Variants in S100PBP observed in about 807,000 individuals in gnomAD.
S100PBP encodes the protein S100P-binding protein.
In S100PBP, 15 loss-of-function variants were observed where a neutral mutation model predicts 39.9. That is an observed-to-expected ratio of 0.38 (90% CI 0.25 to 0.58). S100PBP has a LOEUF of 0.58. Among genes scored for constraint, S100PBP ranks in the 20% least tolerant of loss-of-function variants. The pLI is 0.70. For missense variants in S100PBP, 504 were observed against 487.3 expected (o/e 1.03, Z -0.32); for synonymous variants, 178 against 180.3 (o/e 0.99, Z 0.10).
rs767258288 is a variant in S100PBP, at chr1:32,828,078, C to G, written c.917C>G (p.Thr306Ser). Residue 306 changes from threonine to serine, a missense_variant, in exon 4 of 7, where the codon ACC becomes AGC. Thr to Ser is a moderately conservative substitution (Grantham distance 58). Coordinates refer to ENST00000373475, the MANE Select transcript of S100PBP (RefSeq NM_022753.4). ...GKVIPVLQTK[T>S]RTNVPTFSQS... ...GTCATTCCTGTTCTACAAACTAAGA[C>G]CAGGTAATGTAAAGTATAATTAAAT... The G allele has an allele frequency of 5.7e-6, 9 of 1,565,856 alleles. No individual in the cohort carries two copies. The highest frequency in any genetic ancestry group is 3.3e-4 in the Middle Eastern group (2 of 5,972).
chr1:32,822,576 G>A (rs971429643), intron 1 of S100PBP, among the ~76,000 whole-genome samples: 1 of 147,306 alleles, frequency 6.8e-6, no homozygotes, highest in African/African-American at 2.5e-5. Context: ...AGCCGAGATC[G>A]CGCCACTGCA....
chr1:32,857,849 A>C lies in S100PBP; in HGVS notation c.*1811A>C, dbSNP rs958289839. On this transcript the variant is annotated 3_prime_UTR_variant, in exon 7 of 7. Coordinates refer to ENST00000373475, the MANE Select transcript of S100PBP (RefSeq NM_022753.4). ...TTTAAGCCAACAATAAATTTAGGTG[A>C]ATGTCCCTAAGTGTTTACTGTTTTT... 3 of 152,182 alleles carry C rather than the reference A, an allele frequency of 2.0e-5. No homozygotes were observed. The highest frequency in any genetic ancestry group is 4.4e-5 in the Non-Finnish European group (3 of 68,036). 9.4% of individuals were successfully genotyped at this position (152,182 alleles called of 1,614,324 possible).
At chr1:32,842,229 A>ATATATG (rs1640144383) in intron 5 of S100PBP, among the ~76,000 whole-genome samples, 2 of 81,940 alleles carry the variant, frequency 2.4e-5, no homozygotes, top group Non-Finnish European at 4.4e-5. Context: ...ATGTATATAT[A>ATATATG]TATATATACA....
In S100PBP at chr1:32,857,047, G is replaced by C. The variant is rs1018136376; in HGVS notation, c.*1009G>C. On this transcript the variant is annotated 3_prime_UTR_variant, in exon 7 of 7. Transcript: ENST00000373475. ...TGCTGAACCCCAAATTTGAGTGTTA[G>C]TTAGGGAGCCTCCATTCTGTGGGAG... 1.3e-5 allele frequency: 2 copies of C among 152,084 alleles called. No homozygotes were observed. The highest frequency in any genetic ancestry group is 4.8e-5 in the African/African-American group (2 of 41,408). The allele number at this position is 152,084 out of a possible 1,614,324, so 9.4% of individuals were successfully genotyped here.
chr1:32,849,607 A>C lies in S100PBP; in HGVS notation c.1025-3472A>C, dbSNP rs140421621. Among the ~76,000 whole-genome samples the C allele has an allele frequency of 3.2e-4, 48 of 152,364 alleles. No individual in the cohort carries two copies. The East Asian group carries it at 8.7e-3, about 28-fold the overall frequency. On this transcript the variant is annotated intron_variant, in intron 5 of 6. Transcript: ENST00000373475. ...TCTTATTCATAATAAGAGTTAGGCT[A>C]GTCTAACAATAAGTTAGTTATTAGT...
At chr1:32,816,793 A>C, upstream of S100PBP, 1 of 277,218 alleles carries the variant, frequency 3.6e-6, no homozygotes. Flanking sequence ...AGCTCCCAGT[A>C]TAGCATCTTC....
intron 1 of S100PBP, chr1:32,824,847 A>ATATATATATATATATATATAT (rs1639255058): frequency 1.7e-5 from 2 of 114,616 alleles, no homozygotes; most frequent in African/African-American, 7.8e-5. Context: ...TATATATATA[A>ATATATATATATATATATATAT]AGATTTGTGT....
At chr1:32,837,517 A>G (rs1639885362) in intron 5 of S100PBP, among the ~76,000 whole-genome samples, 1 of 143,714 alleles carries the variant, frequency 7.0e-6, no homozygotes, top group African/African-American at 2.6e-5. Flanking sequence ...GTGAGCCGAG[A>G]TCGCGCCATT....
intron 1 of S100PBP, among the ~76,000 whole-genome samples, chr1:32,820,792 C>G (rs940932018): frequency 6.6e-6 from 1 of 151,972 alleles, no homozygotes; most frequent in African/African-American, 2.4e-5. Flanking sequence ...CGCTTGACTC[C>G]AGGAGTTCAA....
rs528362402 is a variant in S100PBP, at chr1:32,842,923, T to C, written c.1025-10156T>C. 3 of 152,290 alleles carry C rather than the reference T, an allele frequency of 2.0e-5. No individual in the cohort carries two copies. In the South Asian group the frequency reaches 6.2e-4, roughly 32 times the overall value. The allele number at this position is 152,290 out of a possible 1,614,324, so 9.4% of individuals were successfully genotyped here. ...GAATTAACATTTTAATATTGAGTGT[T>C]TTGATTAAAGTCTTCTCTAATTTCC... On this transcript the variant is annotated intron_variant, in intron 5 of 6. Transcript: ENST00000373475.
intron 5 of S100PBP, among the ~76,000 whole-genome samples, chr1:32,848,808 G>C (rs1344862477): frequency 1.3e-5 from 2 of 152,186 alleles, no homozygotes; most frequent in East Asian, 3.8e-4. Flanking sequence ...TTAAGATTTA[G>C]ATGAATTGTT....
At position 32,826,467 on chromosome 1, in the gene S100PBP, G is replaced by A. The variant is rs751910831; in HGVS notation, c.368G>A (p.Ser123Asn). The A allele has an allele frequency of 6.2e-7, 1 of 1,614,182 alleles. No individual in the cohort carries two copies. Among genetic ancestry groups the A allele is most frequent in the Admixed American group, 1.7e-5 (1 of 60,014 alleles). The change falls in exon 3 of 7, where the codon AGT (serine) becomes AAT (asparagine). Residue 123 changes from serine (S) to asparagine (N), a missense_variant. Ser to Asn is a conservative substitution (Grantham distance 46). Coordinates refer to ENST00000373475, the MANE Select transcript of S100PBP (RefSeq NM_022753.4). ...LFKLPQLSTSSGHGPAHTKPL... is the reference protein window; with the variant it reads ...LFKLPQLSTSNGHGPAHTKPL... ...AAACTACCTCAGCTAAGTACATCAA[G>A]TGGTCATGGACCAGCTCATACTAAA...
intron 1 of S100PBP, among the ~76,000 whole-genome samples, chr1:32,821,225 G>C (rs1279399768): frequency 6.6e-6 from 1 of 152,092 alleles, no homozygotes; most frequent in East Asian, 1.9e-4. Flanking sequence ...GGATCACGAG[G>C]TCAGGAGATC....
intron 1 of S100PBP, among the ~76,000 whole-genome samples, chr1:32,824,407 T>C (rs1475705292): frequency 6.6e-6 from 1 of 152,170 alleles, no homozygotes; most frequent in Non-Finnish European, 1.5e-5. Context: ...TGGAAAATAA[T>C]TATAGATTAG....
At chr1:32,837,171 A>C (rs1481912411) in intron 5 of S100PBP, 1 of 150,890 alleles carries the variant, frequency 6.6e-6, no homozygotes, top group Non-Finnish European at 1.5e-5. Context: ...AAAAAAAAAA[A>C]AAAAAAAGAA....
chr1:32,825,393 G>A lies in S100PBP; in HGVS notation c.-39G>A, dbSNP rs993202597. ...CTGAAACCTTTTTCCATTTGGTCTC[G>A]TGGCAAAGGCAGAGATTGCTCCAGC... On this transcript the variant is annotated 5_prime_UTR_variant, in exon 2 of 7. It adds an upstream start codon to the 5' untranslated region. Coordinates refer to ENST00000373475, the MANE Select transcript of S100PBP (RefSeq NM_022753.4). The A allele has an allele frequency of 6.6e-6, 1 of 152,210 alleles. No homozygotes were observed. Among genetic ancestry groups the A allele is most frequent in the Non-Finnish European group, 1.5e-5 (1 of 68,044 alleles). 9.4% of individuals were successfully genotyped at this position (152,210 alleles called of 1,614,324 possible).
At chr1:32,842,517 A>G (rs1302631432) in intron 5 of S100PBP, among the ~76,000 whole-genome samples, 1 of 151,954 alleles carries the variant, frequency 6.6e-6, no homozygotes, top group Middle Eastern at 3.2e-3. Flanking sequence ...TAGCGTATCA[A>G]TTTCTTAAGG....
intron 1 of S100PBP, chr1:32,818,113 T>A (rs1638839825): frequency 6.6e-6 from 1 of 152,556 alleles, no homozygotes. Context: ...CCTGGGGAGA[T>A]CTGAGGACGG....
At chr1:32,817,389 C>T (rs1638782157), upstream of S100PBP, 2 of 1,018,622 alleles carry the variant, frequency 2.0e-6, no homozygotes, top group Non-Finnish European at 2.9e-6. Context: ...TCGGCCTGGA[C>T]CCCTCCGGCA....
Sources: gnomAD v4.1 joint callset for allele counts (sites outside exome capture counted in the v4.1 genomes callset) on GRCh38, gnomAD v4.1.1 for gene constraint, MANE v1.5 for transcripts, NCBI Gene and HGNC (gene_info 2026-07-23, HGNC 2026-07-21) for gene names.